MALRD1: variants seen among roughly 807,000 people sequenced by gnomAD.
MALRD1 encodes MAM and LDL receptor class A domain containing 1, also known as MAM and LDL-receptor class A domain-containing protein 1.
Under a neutral mutation model 242.1 loss-of-function variants are expected in MALRD1, and 247 were observed. That is an observed-to-expected ratio of 1.02 (90% CI 0.92 to 1.13). The LOEUF is 1.13. MALRD1 is among the 50% of genes most tolerant of loss of function. MALRD1 has a pLI of 0.00. For missense variants in MALRD1, 2,989 were observed against 2,533.1 expected (o/e 1.18, Z -3.86); for synonymous variants, 995 against 866.6 (o/e 1.15, Z -2.60).
intron 28 of MALRD1, among the ~76,000 whole-genome samples, chr10:19,440,843 C>A (rs1169023493): frequency 5.3e-5 from 8 of 152,168 alleles, no homozygotes; most frequent in African/African-American, 1.9e-4. Flanking sequence ...ATTTATAATT[C>A]TTTGGGTACA....
chr10:19,406,197 A>G (rs1847098749), intron 28 of MALRD1, among the ~76,000 whole-genome samples: 1 of 152,230 alleles, frequency 6.6e-6, no homozygotes, highest in Non-Finnish European at 1.5e-5. Context: ...AACACACTTT[A>G]GGTAAAGTTT....
intron 32 of MALRD1, among the ~76,000 whole-genome samples, chr10:19,559,633 G>T (rs978414860): frequency 1.3e-5 from 2 of 152,088 alleles, no homozygotes; most frequent in African/African-American, 4.8e-5. Flanking sequence ...GACCAAAATT[G>T]ACAAATGGGT....
At chr10:19,069,653 C>T (rs1835081742) in intron 2 of MALRD1, among the ~76,000 whole-genome samples, 1 of 151,338 alleles carries the variant, frequency 6.6e-6, no homozygotes, top group Non-Finnish European at 1.5e-5. Flanking sequence ...TGTTTTCCTA[C>T]TGGATATATA....
At chr10:19,069,048 AG>A (rs1767151899) in intron 2 of MALRD1, among the ~76,000 whole-genome samples, 1 of 152,114 alleles carries the variant, frequency 6.6e-6, no homozygotes, top group Non-Finnish European at 1.5e-5. Context: ...CTGCCTTTAA[AG>A]ATGGGAATGC....
chr10:19,507,367 G>A (rs1287764372), intron 31 of MALRD1, among the ~76,000 whole-genome samples: 1 of 151,942 alleles, frequency 6.6e-6, no homozygotes, highest in East Asian at 1.9e-4. Context: ...CAAAATAAAG[G>A]CGTTTAGAAA....
At chr10:19,351,928 A>G in intron 25 of MALRD1, 78 bp from the exon 26 acceptor site, 1 of 1,231,422 alleles carries the variant, frequency 8.1e-7, no homozygotes, top group Non-Finnish European at 1.1e-6. Context: ...AGAAGAGGGC[A>G]ATGTGATAGA....
intron 36 of MALRD1, among the ~76,000 whole-genome samples, chr10:19,655,121 G>A (rs1564519102): frequency 6.6e-6 from 1 of 152,068 alleles, no homozygotes; most frequent in Non-Finnish European, 1.5e-5. Context: ...AGCTGCAAAG[G>A]TTATAGAAAC....
At chr10:19,191,051 T>G (rs768922207) in intron 14 of MALRD1, among the ~76,000 whole-genome samples, 28 of 152,156 alleles carry the variant, frequency 1.8e-4, no homozygotes, top group Non-Finnish European at 4.0e-4. Context: ...TTGCAAATTG[T>G]ATATCTGATA....
chr10:19,235,562 C>T (rs7069989), intron 18 of MALRD1, among the ~76,000 whole-genome samples: 11,691 of 130,480 alleles, frequency 0.09, 607 homozygotes, highest in Non-Finnish European at 0.12. Context: ...GACACACACA[C>T]CCACACCCAC....
intron 4 of MALRD1, among the ~76,000 whole-genome samples, 163 bp from the exon 5 acceptor site, chr10:19,103,816 A>T (rs368577010): frequency 6.6e-6 from 1 of 152,162 alleles, no homozygotes; most frequent in African/African-American, 2.4e-5. Flanking sequence ...TGTTTTTGAG[A>T]ATGTTTGCTT....
In MALRD1 at chr10:19,537,487, G is replaced by A. The variant is rs368449074; in HGVS notation, c.5478+6136G>A. 9.9e-5 allele frequency among the ~76,000 whole-genome samples: 15 copies of A among 152,060 alleles called. No homozygotes were observed. In the East Asian group the frequency reaches 2.3e-3, roughly 24 times the overall value. On this transcript the variant is annotated intron_variant, in intron 32 of 39. Coordinates refer to ENST00000454679, the MANE Select transcript of MALRD1 (RefSeq NM_001142308.3). ...CACATGATGGAAAAGGCAGGAGAGC[G>A]CTCTTCTCTCTCTCCTTTTTCTTCT...
At chr10:19,197,478 T>C (rs1836317927) in intron 14 of MALRD1, among the ~76,000 whole-genome samples, 1 of 152,158 alleles carries the variant, frequency 6.6e-6, no homozygotes, top group African/African-American at 2.4e-5. Flanking sequence ...TCTAATATAA[T>C]ATCTTCTTAT....
At chr10:19,053,588 C>G (rs1834573138) in intron 1 of MALRD1, among the ~76,000 whole-genome samples, 1 of 151,974 alleles carries the variant, frequency 6.6e-6, no homozygotes, top group East Asian at 1.9e-4. Flanking sequence ...CATTGTGTAC[C>G]AAAGTTTTTT....
chr10:19,477,981 ATTCGCCTGTGCAAGC>A (rs1302036185), intron 29 of MALRD1, among the ~76,000 whole-genome samples: 1 of 152,194 alleles, frequency 6.6e-6, no homozygotes, highest in Admixed American at 6.5e-5. Context: ...AGTTGCCGGC[ATTCGCCTGTGCAAGC>A]TTCTAGTTTC....
At chr10:19,107,033 G>A (rs2358311) in intron 5 of MALRD1, among the ~76,000 whole-genome samples, 66,014 of 151,698 alleles carry the variant, frequency 0.44, 14,651 homozygotes, top group Admixed American at 0.52. Context: ...GTTGAGACTT[G>A]TTTTGTGGCC....
chr10:19,688,444 G>T (rs1003052649), intron 36 of MALRD1, among the ~76,000 whole-genome samples: 1 of 151,840 alleles, frequency 6.6e-6, no homozygotes. Flanking sequence ...TAGAATTTTT[G>T]TAAAGAAGGT....
intron 25 of MALRD1, 69 bp downstream of exon 25, chr10:19,348,087 A>G (rs368360565): frequency 1.3e-6 from 2 of 1,490,462 alleles, no homozygotes; most frequent in East Asian, 4.9e-5. Flanking sequence ...ATAAATTGAC[A>G]TACGGAAAAC....
chr10:19,554,718 T>C (rs568797972), intron 32 of MALRD1, among the ~76,000 whole-genome samples: 1 of 152,316 alleles, frequency 6.6e-6, no homozygotes, highest in African/African-American at 2.4e-5. Flanking sequence ...GCAAAGGACA[T>C]GATCTTGTTC....
chr10:19,595,551 C>G lies in MALRD1; in HGVS notation c.5944+94C>G. The G allele has an allele frequency of 1.5e-6, 2 of 1,326,376 alleles. 1 individual carries two copies. The highest frequency in any genetic ancestry group is 3.1e-5 in the South Asian group (2 of 64,880). The allele number at this position is 1,326,376 out of a possible 1,614,324, so 82.2% of individuals were successfully genotyped here. On this transcript the variant is annotated intron_variant, in intron 34 of 39. Transcript: ENST00000454679. ...ACAGATAAAATGAAGTTCTCTAGAG[C>G]CTTACCGTGATTGTATCATTAATAA...
Sources: allele counts gnomAD v4.1 joint callset (sites outside exome capture counted in the v4.1 genomes callset), GRCh38; gene constraint gnomAD v4.1.1; transcripts MANE v1.5; gene names NCBI Gene and HGNC (gene_info 2026-07-23, HGNC 2026-07-21).